The following INTS6L variants were observed in gnomAD, a reference collection of about 807,000 sequenced individuals.
The protein encoded by INTS6L is integrator complex subunit 6-like.
In INTS6L, 18 loss-of-function variants were observed where a neutral mutation model predicts 64.7. The observed-to-expected ratio is 0.28, with a 90% CI of 0.19 to 0.41. The LOEUF (loss-of-function observed/expected upper bound fraction) is 0.41. Among genes scored for constraint, INTS6L ranks in the 10% least tolerant of loss-of-function variants. The probability of loss-of-function intolerance (pLI) is 1.00; values close to 1 mark genes in which losing one functional copy is unlikely to be tolerated. For missense variants in INTS6L, 533 were observed against 661.0 expected, an observed-to-expected ratio of 0.81 and a Z score of 2.12; for synonymous variants, 227 against 235.9, an observed-to-expected ratio of 0.96 and a Z score of 0.34.
intron 2 of INTS6L, among the ~76,000 whole-genome samples, chrX:135,521,591 A>G (rs1025128567): frequency 6.4e-5 from 7 of 110,160 alleles, no homozygotes; most frequent in Non-Finnish European, 1.1e-4. Flanking sequence ...GCCTCGGAAC[A>G]TGGCGGACAT....
intron 6 of INTS6L, among the ~76,000 whole-genome samples, chrX:135,548,108 G>T (rs954334543): frequency 2.7e-5 from 3 of 109,564 alleles, no homozygotes; most frequent in African/African-American, 1.0e-4. Flanking sequence ...TGATTGTCTA[G>T]CCTGATTTAT....
chrX:135,559,063 A>G (rs1394129548), intron 9 of INTS6L, among the ~76,000 whole-genome samples: 1 of 111,832 alleles, frequency 8.9e-6, no homozygotes, highest in Non-Finnish European at 1.9e-5. Context: ...GATTGCAGGC[A>G]TGAGCCACTG....
intron 6 of INTS6L, 110 bp downstream of exon 6, chrX:135,547,375 A>G (rs1304692767): frequency 1.1e-6 from 1 of 873,756 alleles, no homozygotes; most frequent in Non-Finnish European, 1.6e-6. Context: ...TTGAGTGGTT[A>G]CAAACATACA....
intron 2 of INTS6L, among the ~76,000 whole-genome samples, chrX:135,544,799 G>A (rs1241729012): frequency 5.4e-5 from 6 of 111,922 alleles, no homozygotes; most frequent in Admixed American, 3.8e-4. Flanking sequence ...GCTGCTGGGC[G>A]TGGCTAGGGG....
chrX:135,581,570 A>G lies in INTS6L; in HGVS notation c.2631A>G (p.Leu877=). 8.3e-7 allele frequency: 1 copy of G among 1,210,867 alleles called. No homozygotes were observed. Among genetic ancestry groups the G allele is most frequent in the Non-Finnish European group, 1.1e-6 (1 of 894,768 alleles). Reference sequence around the variant, plus strand: ...TAATTCAGTACCTTGAGAAGGTACTAGAAAAAATAAATTCCCACCACCTTC... The same window carrying G: ...TAATTCAGTACCTTGAGAAGGTACTGGAAAAAATAAATTCCCACCACCTTC... ...RVLIQYLEKV[L]EKINSHHLHN... is the part of the protein sequence containing the mutation. Residue 877 remains leucine (L), a synonymous_variant, in exon 18 of 18, where the codon CTA becomes CTG. Transcript: ENST00000639893.
At chrX:135,553,378 G>A (rs1335152074) in intron 8 of INTS6L, among the ~76,000 whole-genome samples, 2 of 109,493 alleles carry the variant, frequency 1.8e-5, no homozygotes, top group African/African-American at 3.3e-5. Context: ...GCTCACTGTA[G>A]CCTCGACCTC....
intron 2 of INTS6L, among the ~76,000 whole-genome samples, chrX:135,540,260 A>G (rs2086168748): frequency 8.9e-6 from 1 of 111,820 alleles, no homozygotes; most frequent in South Asian, 3.7e-4. Context: ...TGGACAAGTT[A>G]CCTCGCTTTC....
chrX:135,562,554 TTCTG>T (rs1462881910), intron 9 of INTS6L, among the ~76,000 whole-genome samples: 2 of 112,008 alleles, frequency 1.8e-5, no homozygotes, highest in African/African-American at 6.5e-5. Context: ...CTTGTTGATT[TTCTG>T]TCTATTTGCT....
chrX:135,539,691 A>G (rs1379458702), intron 2 of INTS6L, among the ~76,000 whole-genome samples: 1 of 112,141 alleles, frequency 8.9e-6, no homozygotes, highest in Non-Finnish European at 1.9e-5. Flanking sequence ...ATTTAAAGCG[A>G]GAGAAGTGCA....
At chrX:135,548,472 G>A (rs782371109) in intron 6 of INTS6L, among the ~76,000 whole-genome samples, 56 of 111,522 alleles carry the variant, frequency 5.0e-4, no homozygotes, top group Non-Finnish European at 8.9e-4. Flanking sequence ...CCAAAATTTC[G>A]TGCTCACTAT....
intron 2 of INTS6L, among the ~76,000 whole-genome samples, chrX:135,540,454 G>A (rs1405005639): frequency 9.0e-6 from 1 of 111,187 alleles, no homozygotes; most frequent in Non-Finnish European, 1.9e-5. Context: ...TTTTACCTTG[G>A]AGAGACTTAA....
intron 2 of INTS6L, among the ~76,000 whole-genome samples, chrX:135,525,863 G>A (rs1242020833): frequency 4.5e-5 from 5 of 112,283 alleles, no homozygotes; most frequent in Non-Finnish European, 7.5e-5. Context: ...AAGCCACACA[G>A]GCAGTGCATT....
At chrX:135,528,152 G>C (rs1242402682) in intron 2 of INTS6L, among the ~76,000 whole-genome samples, 1 of 111,035 alleles carries the variant, frequency 9.0e-6, no homozygotes, top group East Asian at 2.8e-4. Flanking sequence ...GCCTTTTACC[G>C]AAAGAGTGTA....
At chrX:135,521,674 G>A (rs1279184807) in intron 2 of INTS6L, among the ~76,000 whole-genome samples, 1 of 109,274 alleles carries the variant, frequency 9.2e-6, no homozygotes, top group Non-Finnish European at 1.9e-5. Context: ...GGGGAGGGAG[G>A]AGCGGGGAAG....
intron 2 of INTS6L, 36 bp downstream of exon 2, chrX:135,521,354 C>T: frequency 1.7e-6 from 2 of 1,162,821 alleles, no homozygotes; most frequent in Non-Finnish European, 1.2e-6. Context: ...AGGCGGGAAG[C>T]GGGAGCAAGT....
intron 2 of INTS6L, among the ~76,000 whole-genome samples, chrX:135,526,998 A>G (rs1556501618): frequency 8.9e-6 from 1 of 112,080 alleles, no homozygotes; most frequent in African/African-American, 3.2e-5. Context: ...TTACAAGATA[A>G]GTGTATATAT....
In INTS6L at chrX:135,546,820, C is replaced by T; in HGVS notation, c.548C>T (p.Pro183Leu). ...TTGCCTGGAGTGGCTTCTACCGAAC[C>T]AGAGCAACTAGGGAGCGTACCAACT... ...LRLPGVASTE[P>L]EQLGSVPTDE... is the part of the protein sequence containing the mutation. Residue 183 changes from proline (P) to leucine (L), a missense_variant, in exon 5 of 18, where the codon CCA becomes CTA. By Grantham distance (98) the Pro-to-Leu change is moderately conservative. Transcript: ENST00000639893. The T allele has an allele frequency of 8.3e-7, 1 of 1,211,450 alleles. No homozygotes were observed. Among genetic ancestry groups the T allele is most frequent in the Admixed American group, 2.2e-5 (1 of 46,015 alleles).
At position 135,569,444 on chromosome X, in the gene INTS6L, G is replaced by A. The variant is rs782405728; in HGVS notation, c.1287+13G>A. ...ATACTACCTATTAGTATGTATTTGT[G>A]TGTATATATGTATTAACTGTATCAA... On this transcript the variant is annotated intron_variant, in intron 10 of 17. Transcript: ENST00000639893. The A allele has an allele frequency of 4.0e-6, 4 of 999,907 alleles. No homozygotes were observed. The African/African-American group carries it at 7.8e-5, about 19-fold the overall frequency. The allele number at this position is 999,907 out of a possible 1,213,427, so 82.4% of individuals were successfully genotyped here.
chrX:135,548,887 C>T (rs1184099213), intron 6 of INTS6L, among the ~76,000 whole-genome samples: 1 of 111,387 alleles, frequency 9.0e-6, no homozygotes, highest in African/African-American at 3.3e-5. Context: ...TGATTTGAGG[C>T]GGGGGGAGAA....
Sources: gnomAD v4.1 joint callset for allele counts (sites outside exome capture counted in the v4.1 genomes callset) on GRCh38, gnomAD v4.1.1 for gene constraint, MANE v1.5 for transcripts, NCBI Gene and HGNC (gene_info 2026-07-23, HGNC 2026-07-21) for gene names.